The following PLPPR1 variants were observed in gnomAD, a reference collection of about 807,000 sequenced individuals.
PLPPR1 encodes the protein phospholipid phosphatase related 1.
A neutral mutation model predicts 33.1 loss-of-function variants in PLPPR1; 10 were observed. The ratio of observed to expected loss-of-function variants is 0.30; its 90% CI spans 0.19 to 0.51. PLPPR1 has a LOEUF of 0.51. PLPPR1 is among the 20% of genes least tolerant of loss of function. The probability of loss-of-function intolerance (pLI) is 0.97; values close to 1 mark genes in which losing one functional copy is unlikely to be tolerated. For missense variants in PLPPR1, 304 were observed against 408.1 expected (o/e 0.74, Z 2.20); for synonymous variants, 151 against 151.0 (o/e 1.00, Z 0.00).
At chr9:101,299,097 T>TA (rs1828700432) in intron 4 of PLPPR1, among the ~76,000 whole-genome samples, 2 of 152,070 alleles carry the variant, frequency 1.3e-5, no homozygotes, top group Admixed American at 1.3e-4. Flanking sequence ...GTCTAGATCA[T>TA]AAAAGAAAAA....
At chr9:101,157,695 A>G (rs183325948) in intron 1 of PLPPR1, among the ~76,000 whole-genome samples, 181 of 152,264 alleles carry the variant, frequency 1.2e-3, no homozygotes, top group Non-Finnish European at 1.8e-3. Flanking sequence ...GTGTCACAGA[A>G]GTCAAGGTAA....
At chr9:101,136,002 G>A (rs1435773413) in intron 1 of PLPPR1, among the ~76,000 whole-genome samples, 10 of 152,198 alleles carry the variant, frequency 6.6e-5, no homozygotes, top group Admixed American at 4.6e-4. Flanking sequence ...AGTGTGTTCC[G>A]TGACTGAAGT....
chr9:101,212,922 C>A (rs1040133396), intron 2 of PLPPR1, among the ~76,000 whole-genome samples: 12 of 152,100 alleles, frequency 7.9e-5, no homozygotes, highest in Non-Finnish European at 1.3e-4. Context: ...TATTTTATTT[C>A]TTTTATGCCA....
At chr9:101,205,577 C>CT (rs752010177) in intron 2 of PLPPR1, among the ~76,000 whole-genome samples, 32 of 151,922 alleles carry the variant, frequency 2.1e-4, no homozygotes, top group Non-Finnish European at 4.0e-4. Flanking sequence ...GTATGTTCAC[C>CT]TTTTTTTGAT....
chr9:101,186,845 G>T (rs1288114011), intron 2 of PLPPR1, among the ~76,000 whole-genome samples: 2 of 152,004 alleles, frequency 1.3e-5, no homozygotes, highest in Middle Eastern at 3.4e-3. Context: ...AGGAGAGAAG[G>T]TTGGAACAGA....
chr9:101,303,526 C>T (rs550820891), intron 4 of PLPPR1, among the ~76,000 whole-genome samples: 3 of 152,146 alleles, frequency 2.0e-5, no homozygotes, highest in Non-Finnish European at 4.4e-5. Context: ...GTCTTGAACT[C>T]CTGAGCTCAG....
intron 2 of PLPPR1, among the ~76,000 whole-genome samples, chr9:101,260,606 G>A (rs77350172): frequency 8.5e-5 from 13 of 152,154 alleles, no homozygotes; most frequent in Admixed American, 8.5e-4. Flanking sequence ...CCAGGATAGG[G>A]AACTCAAGAG....
intron 1 of PLPPR1, among the ~76,000 whole-genome samples, chr9:101,072,340 A>G (rs112476522): frequency 8.5e-4 from 130 of 152,266 alleles, no homozygotes; most frequent in African/African-American, 2.9e-3. Flanking sequence ...ACAATTTGGA[A>G]AAGAGAAAGG....
intron 1 of PLPPR1, among the ~76,000 whole-genome samples, chr9:101,098,673 C>T (rs1418744593): frequency 2.0e-5 from 3 of 152,122 alleles, no homozygotes; most frequent in Non-Finnish European, 2.9e-5. Context: ...CCTCTCAAAA[C>T]AGTGCATCCC....
At chr9:101,068,499 G>A (rs953285260) in intron 1 of PLPPR1, among the ~76,000 whole-genome samples, 1 of 152,036 alleles carries the variant, frequency 6.6e-6, no homozygotes, top group African/African-American at 2.4e-5. Flanking sequence ...TGCTAACCAG[G>A]CCTGGTAGGG....
Position 101,312,850 on chromosome 9 carries a change from T to G in PLPPR1, c.689T>G (p.Val230Gly). 1.2e-6 allele frequency: 2 copies of G among 1,614,194 alleles called. No individual in the cohort carries two copies. Among genetic ancestry groups the G allele is most frequent in the Non-Finnish European group, 1.7e-6 (2 of 1,180,030 alleles). Residue 230 changes from valine to glycine, a missense_variant, in exon 6 of 8, where the codon GTG becomes GGG. By Grantham distance (109) the Val-to-Gly change is moderately radical. Coordinates refer to ENST00000374874, the MANE Select transcript of PLPPR1 (RefSeq NM_207299.2). ...KTKSSRLAKP[V>G]LCLGTLCTAF... The stretch of plus-strand genomic sequence containing the variant: ...AAGAGCAGTCGACTGGCCAAGCCGG[T>G]GCTGTGCCTCGGAACTCTCTGCACA...
chr9:101,091,857 C>T (rs2417241), intron 1 of PLPPR1, among the ~76,000 whole-genome samples: 103,385 of 152,112 alleles, frequency 0.68, 35,467 homozygotes, highest in East Asian at 0.89. Flanking sequence ...TCTTGACTTG[C>T]AATTCGGATC....
At chr9:101,074,263 T>C (rs780180261) in intron 1 of PLPPR1, among the ~76,000 whole-genome samples, 1 of 152,194 alleles carries the variant, frequency 6.6e-6, no homozygotes, top group African/African-American at 2.4e-5. Flanking sequence ...AAATCAAGTA[T>C]GACATTGGGA....
At chr9:101,051,729 A>G (rs569261484) in intron 1 of PLPPR1, among the ~76,000 whole-genome samples, 1 of 152,156 alleles carries the variant, frequency 6.6e-6, no homozygotes, top group African/African-American at 2.4e-5. Flanking sequence ...ACTCTCTTCC[A>G]TTTACTCTGC....
chr9:101,224,584 A>G (rs755127127), intron 2 of PLPPR1, among the ~76,000 whole-genome samples: 3 of 152,158 alleles, frequency 2.0e-5, no homozygotes, highest in Admixed American at 6.5e-5. Context: ...TATAGACACA[A>G]TGGAGGAGAT....
intron 1 of PLPPR1, among the ~76,000 whole-genome samples, chr9:101,075,328 T>G (rs940302441): frequency 1.3e-5 from 2 of 152,218 alleles, no homozygotes; most frequent in Admixed American, 1.3e-4. Flanking sequence ...CCATTGGTCT[T>G]TTTATAAAAT....
Position 101,119,921 on chromosome 9 carries a change from T to C in PLPPR1, c.-45-65529T>C, listed in dbSNP as rs539773472. Among the ~76,000 whole-genome samples the C allele has an allele frequency of 1.5e-4, 23 of 152,304 alleles. 1 individual carries two copies. Among genetic ancestry groups the C allele is most frequent in the Admixed American group, 1.3e-3 (20 of 15,298 alleles). ...CAACTGTGGAGGCTAGTGCCATACA[T>C]AGGTGAAAACTCAGGTTATCAGTGG... is the stretch of plus-strand genomic sequence containing the variant. On this transcript the variant is annotated intron_variant, in intron 1 of 7. Coordinates refer to ENST00000374874, the MANE Select transcript of PLPPR1 (RefSeq NM_207299.2).
chr9:101,322,044 A>C (rs1304663815), intron 7 of PLPPR1, among the ~76,000 whole-genome samples: 1 of 149,792 alleles, frequency 6.7e-6, no homozygotes, highest in East Asian at 1.9e-4. Context: ...CTAAAAATAC[A>C]AAAATTAGCC....
chr9:101,062,787 G>C (rs1355265548), intron 1 of PLPPR1, among the ~76,000 whole-genome samples: 1 of 151,652 alleles, frequency 6.6e-6, no homozygotes, highest in Admixed American at 6.6e-5. Flanking sequence ...TAGGCTCTAT[G>C]TTATCATATG....
Sources: gnomAD v4.1 joint callset for allele counts (sites outside exome capture counted in the v4.1 genomes callset) on GRCh38, gnomAD v4.1.1 for gene constraint, MANE v1.5 for transcripts, NCBI Gene and HGNC (gene_info 2026-07-23, HGNC 2026-07-21) for gene names.